TEX264: variants seen among roughly 807,000 people sequenced by gnomAD.
TEX264 encodes the protein testis-expressed protein 264.
In TEX264, 13 loss-of-function variants were observed where a neutral mutation model predicts 23.4. That is an observed-to-expected ratio of 0.56 (90% CI 0.36 to 0.88). The LOEUF is 0.88. Ranked by LOEUF, TEX264 falls within the 40% of genes least tolerant of loss-of-function variation. The pLI is 0.01. For missense variants in TEX264, 340 were observed against 406.8 expected (o/e 0.84, Z 1.41); for synonymous variants, 159 against 170.0 (o/e 0.94, Z 0.50).
chr3:51,690,891 G>A (rs1214112908), intron 3 of TEX264, among the ~76,000 whole-genome samples: 2 of 152,218 alleles, frequency 1.3e-5, no homozygotes, highest in Admixed American at 6.5e-5. Flanking sequence ...GGATGGAGCG[G>A]TAGCTGAGTC....
chr3:51,699,654 C>T (rs1411662669), intron 4 of TEX264, 80 bp downstream of exon 4: 20 of 1,536,378 alleles, frequency 1.3e-5, no homozygotes, highest in African/African-American at 5.5e-5. Context: ...TGAGGAGGCT[C>T]CTCCCTCTCT....
intron 3 of TEX264, among the ~76,000 whole-genome samples, chr3:51,696,602 C>T (rs1041950469): frequency 2.0e-5 from 3 of 152,328 alleles, no homozygotes; most frequent in Admixed American, 1.3e-4. Context: ...TGCCCCTCAC[C>T]TTCCATCCCC....
intron 4 of TEX264, 45 bp downstream of exon 4, chr3:51,699,619 C>T: frequency 6.3e-7 from 1 of 1,597,214 alleles, no homozygotes; most frequent in Non-Finnish European, 8.6e-7. Flanking sequence ...TGGAGCTCCT[C>T]TCTTCTGGAC....
chr3:51,676,169 C>T (rs111637674), intron 2 of TEX264, among the ~76,000 whole-genome samples: 3,086 of 152,228 alleles, frequency 0.02, 35 homozygotes, highest in Middle Eastern at 0.048. Context: ...TCAAGGGCTC[C>T]GTTGTGTAAG....
Position 51,703,745 on chromosome 3 carries a change from C to T in TEX264, c.671C>T (p.Thr224Met), listed in dbSNP as rs370467260. ...DGTGADTMSD[T>M]SSVSLEVSPG... is the part of the protein sequence containing the mutation. ...ATAGGAGCTGACACAATGAGTGACA[C>T]GAGTTCTGTAAGCTTGGAAGTGAGC... Residue 224 changes from threonine to methionine, a missense_variant, in exon 5 of 5, where the codon ACG becomes ATG. Thr to Met is a moderately conservative substitution (Grantham distance 81, BLOSUM62 -1). Coordinates refer to ENST00000341333, the MANE Select transcript of TEX264 (RefSeq NM_015926.6). The surrounding 1 kb of genome is among the most constrained non-coding windows in gnomAD (Gnocchi z 4.8). 12 of 1,593,370 alleles carry T rather than the reference C, an allele frequency of 7.5e-6. No individual in the cohort carries two copies. The highest frequency in any genetic ancestry group is 1.7e-4 in the Middle Eastern group (1 of 6,024).
intron 2 of TEX264, among the ~76,000 whole-genome samples, chr3:51,680,994 C>G (rs540343106): frequency 6.6e-6 from 1 of 152,224 alleles, no homozygotes; most frequent in Non-Finnish European, 1.5e-5. Context: ...TTGCTGGTGC[C>G]TTGTTCAGCT....
chr3:51,700,368 C>G (rs955178114), intron 4 of TEX264, among the ~76,000 whole-genome samples: 1 of 152,038 alleles, frequency 6.6e-6, no homozygotes, highest in African/African-American at 2.4e-5. Context: ...GATGCTCTGC[C>G]CATCCAGTCT....
chr3:51,692,675 G>T (rs1006179741), intron 3 of TEX264, among the ~76,000 whole-genome samples: 2 of 152,238 alleles, frequency 1.3e-5, no homozygotes, highest in Non-Finnish European at 2.9e-5. Flanking sequence ...GCAGGACAGG[G>T]CTCAAGGTCC....
At chr3:51,679,919 G>T (rs1336229690) in intron 2 of TEX264, among the ~76,000 whole-genome samples, 5 of 152,266 alleles carry the variant, frequency 3.3e-5, no homozygotes, top group South Asian at 2.1e-4. Flanking sequence ...GTGCCTTTGG[G>T]CATAAGCTTC....
chr3:51,673,345 C>T (rs1702118076), intron 1 of TEX264, among the ~76,000 whole-genome samples: 1 of 152,136 alleles, frequency 6.6e-6, no homozygotes, highest in Non-Finnish European at 1.5e-5. Context: ...AGGCCTCTGG[C>T]CCCAAGCTGC....
chr3:51,700,146 C>T (rs1466995412), intron 4 of TEX264, among the ~76,000 whole-genome samples: 1 of 152,136 alleles, frequency 6.6e-6, no homozygotes, highest in Admixed American at 6.5e-5. Flanking sequence ...CCTCAAGGCC[C>T]CAGGTCCAGG....
chr3:51,684,574 C>A lies in TEX264; in HGVS notation c.420C>A (p.Thr140=). The change falls in exon 3 of 5, where the codon ACC becomes ACA. Residue 140 remains threonine (T), a synonymous_variant. Coordinates refer to ENST00000341333, the MANE Select transcript of TEX264 (RefSeq NM_015926.6). ...HVVTATFPYT[T]ILSIWLATRR... is the part of the protein sequence containing the mutation. ...TGACAGCCACCTTCCCCTACACCAC[C>A]ATTCTGTCCATCTGGCTGGCTACCC... 6.2e-7 allele frequency: 1 copy of A among 1,614,238 alleles called. No homozygotes were observed. The highest frequency in any genetic ancestry group is 8.5e-7 in the Non-Finnish European group (1 of 1,180,040).
At chr3:51,696,840 T>C (rs965874654) in intron 3 of TEX264, among the ~76,000 whole-genome samples, 1 of 152,228 alleles carries the variant, frequency 6.6e-6, no homozygotes, top group Non-Finnish European at 1.5e-5. Context: ...GGCATTTTAA[T>C]TAGCTCCATG....
chr3:51,685,836 G>T (rs1702603326), intron 3 of TEX264, among the ~76,000 whole-genome samples: 1 of 152,232 alleles, frequency 6.6e-6, no homozygotes, highest in South Asian at 2.1e-4. Context: ...AGGCCCAGCG[G>T]CTATAGAGCT....
At chr3:51,699,306 TG>T in intron 3 of TEX264, 99 bp from the exon 4 acceptor site, 1 of 1,307,436 alleles carries the variant, frequency 7.6e-7, no homozygotes, top group Non-Finnish European at 1.1e-6. Flanking sequence ...AGCCAGCCCC[TG>T]GGACAGAATA....
chr3:51,674,225 G>A (rs1638386480), intron 1 of TEX264, 46 bp from the exon 2 acceptor site: 1 of 1,586,402 alleles, frequency 6.3e-7, no homozygotes, highest in African/African-American at 1.3e-5. Flanking sequence ...TGGGCACATT[G>A]TCAGAGTAGG....
At chr3:51,699,230 T>C (rs1055001671) in intron 3 of TEX264, among the ~76,000 whole-genome samples, 176 bp from the exon 4 acceptor site, 13 of 152,138 alleles carry the variant, frequency 8.5e-5, no homozygotes, top group Non-Finnish European at 1.5e-4. Flanking sequence ...GGGGCCCTGC[T>C]GTTAGGGTGA....
rs1703400106 is a variant in TEX264, at chr3:51,703,550, T to C, written c.650-174T>C. Among the ~76,000 whole-genome samples the C allele has an allele frequency of 7.0e-6, 1 of 142,600 alleles. No homozygotes were observed. The highest frequency in any genetic ancestry group is 1.5e-5 in the Non-Finnish European group (1 of 64,752). The allele number at this position is 142,600 out of a possible 152,430, so 93.6% of individuals were successfully genotyped here. ...CCTCCCTTCCTCCCAGCTCTTTCCC[T>C]CTGCCCTGTCTGTGCAGCCCCAGTC... On this transcript the variant is annotated intron_variant, in intron 4 of 4. Coordinates refer to ENST00000341333, the MANE Select transcript of TEX264 (RefSeq NM_015926.6). This position sits in a 1 kb window ranked among gnomAD's most constrained non-coding sequence, Gnocchi z 4.8.
At chr3:51,688,000 C>G (rs1468618475) in intron 3 of TEX264, among the ~76,000 whole-genome samples, 1 of 152,204 alleles carries the variant, frequency 6.6e-6, no homozygotes, top group South Asian at 2.1e-4. Flanking sequence ...GCTATAGATG[C>G]TGGAACTCTG....
Sources: allele counts gnomAD v4.1 joint callset (sites outside exome capture counted in the v4.1 genomes callset), GRCh38; gene constraint gnomAD v4.1.1; non-coding constraint Gnocchi (gnomAD v3.1); transcripts MANE v1.5; gene names NCBI Gene and HGNC (gene_info 2026-07-23, HGNC 2026-07-21).